Variants in SLC9A7 observed in about 807,000 individuals in gnomAD.
SLC9A7 encodes sodium/hydrogen exchanger 7.
SLC9A7 carries 19 observed loss-of-function variants against 52.6 expected under a neutral mutation model. The observed-to-expected ratio is 0.36, with a 90% confidence interval of 0.25 to 0.53. The LOEUF is 0.53. Ranked by LOEUF, SLC9A7 falls within the 20% of genes least tolerant of loss-of-function variation. The probability of loss-of-function intolerance (pLI) is 0.91; values close to 1 mark genes in which losing one functional copy is unlikely to be tolerated. For missense variants in SLC9A7, 455 were observed against 597.9 expected, an observed-to-expected ratio of 0.76 and a Z score of 2.49; for synonymous variants, 226 against 252.1, an observed-to-expected ratio of 0.90 and a Z score of 0.98.
chrX:46,627,807 A>G (rs1020372352), intron 14 of SLC9A7, among the ~76,000 whole-genome samples: 7 of 109,515 alleles, frequency 6.4e-5, no homozygotes, highest in Non-Finnish European at 1.3e-4. Context: ...ACAGAGTAGC[A>G]ACTGGAGGAA....
intron 11 of SLC9A7, among the ~76,000 whole-genome samples, chrX:46,644,205 C>G (rs1943452019): frequency 8.9e-6 from 1 of 112,050 alleles, no homozygotes; most frequent in African/African-American, 3.2e-5. Context: ...AGATTTGGCC[C>G]AGGGGTTGTA....
At chrX:46,740,801 C>T (rs1327798892) in intron 1 of SLC9A7, among the ~76,000 whole-genome samples, 1 of 106,440 alleles carries the variant, frequency 9.4e-6, no homozygotes, top group Non-Finnish European at 1.9e-5. Context: ...CTAACCAATG[C>T]AATTAGGCAA....
chrX:46,630,007 C>T (rs767163938), intron 14 of SLC9A7, among the ~76,000 whole-genome samples: 8 of 112,081 alleles, frequency 7.1e-5, no homozygotes, highest in African/African-American at 2.6e-4. Context: ...CAAAGGTCTT[C>T]TGGAGCTCAT....
intron 8 of SLC9A7, among the ~76,000 whole-genome samples, chrX:46,652,903 T>C (rs1943606588): frequency 8.9e-6 from 1 of 112,181 alleles, no homozygotes; most frequent in Non-Finnish European, 1.9e-5. Flanking sequence ...TTCACACTCA[T>C]CTGAGCAGAG....
chrX:46,739,744 A>G (rs942461333), intron 1 of SLC9A7, among the ~76,000 whole-genome samples: 1 of 110,969 alleles, frequency 9.0e-6, no homozygotes, highest in African/African-American at 3.3e-5. Context: ...TTTTTCCCCA[A>G]CTTTGCTGGG....
chrX:46,636,436 T>C (rs1435280992), intron 12 of SLC9A7, among the ~76,000 whole-genome samples: 1 of 110,524 alleles, frequency 9.0e-6, no homozygotes, highest in Admixed American at 9.6e-5. Flanking sequence ...CACAAGATAC[T>C]AGTAGCAACC....
intron 14 of SLC9A7, among the ~76,000 whole-genome samples, chrX:46,629,339 T>C (rs1943186343): frequency 9.0e-6 from 1 of 111,397 alleles, no homozygotes; most frequent in Non-Finnish European, 1.9e-5. Flanking sequence ...CACCTGGGGG[T>C]GGGGGCTATT....
At chrX:46,665,163 C>T (rs1943896279) in intron 5 of SLC9A7, among the ~76,000 whole-genome samples, 1 of 110,678 alleles carries the variant, frequency 9.0e-6, no homozygotes, top group African/African-American at 3.3e-5. Context: ...CTCCTCCCTA[C>T]AGCAGGACCC....
intron 1 of SLC9A7, among the ~76,000 whole-genome samples, chrX:46,757,508 G>A (rs782180510): frequency 2.8e-4 from 32 of 112,306 alleles, no homozygotes; most frequent in African/African-American, 1.0e-3. Context: ...CAGAACCAAG[G>A]GTAATTTTCA....
chrX:46,680,348 C>CAA (rs372898654), intron 2 of SLC9A7, among the ~76,000 whole-genome samples: 6 of 64,591 alleles, frequency 9.3e-5, no homozygotes, highest in Non-Finnish European at 1.2e-4. Flanking sequence ...GACTCCATCT[C>CAA]AAAAAAAAAA....
At chrX:46,675,061 A>ATGTGTGTGTGTGTGTGTGTG (rs397895552) in intron 3 of SLC9A7, among the ~76,000 whole-genome samples, 1 of 68,863 alleles carries the variant, frequency 1.5e-5, no homozygotes, top group Admixed American at 1.7e-4. Context: ...GAGAGAGTGA[A>ATGTGTGTGTGTGTGTGTGTG]TGTGTGTGTG....
At chrX:46,748,592 C>T (rs1922006663) in intron 1 of SLC9A7, among the ~76,000 whole-genome samples, 1 of 102,159 alleles carries the variant, frequency 9.8e-6, no homozygotes, top group African/African-American at 3.6e-5. Context: ...CACACACACA[C>T]ACTGCAGTAT....
At chrX:46,692,499 A>C (rs911003307) in intron 1 of SLC9A7, among the ~76,000 whole-genome samples, 1 of 111,193 alleles carries the variant, frequency 9.0e-6, no homozygotes, top group Non-Finnish European at 1.9e-5. Flanking sequence ...ATGCCACTAC[A>C]AAATGCCAAT....
In SLC9A7 at chrX:46,600,713, A is replaced by G. The variant is rs1942648771; in HGVS notation, c.*6239T>C. On this transcript the variant is annotated 3_prime_UTR_variant, in exon 17 of 17. Transcript: ENST00000616978. ...CTGTTTATCTCTAGGTCTTGTTTTG[A>G]AAGGATTGTTGATGAGTCTACTTGC... 1 of 112,385 alleles carries G rather than the reference A, an allele frequency of 8.9e-6. No individual in the cohort carries two copies. Among genetic ancestry groups the G allele is most frequent in the Non-Finnish European group, 1.9e-5 (1 of 53,287 alleles). The allele number at this position is 112,385 out of a possible 1,213,427, so 9.3% of individuals were successfully genotyped here.
intron 1 of SLC9A7, among the ~76,000 whole-genome samples, chrX:46,726,548 T>C (rs1458188804): frequency 9.0e-6 from 1 of 110,939 alleles, no homozygotes; most frequent in Non-Finnish European, 1.9e-5. Context: ...TCAGATCCCC[T>C]GCATCCCCAA....
At chrX:46,724,324 A>G (rs1293111735) in intron 1 of SLC9A7, among the ~76,000 whole-genome samples, 9 of 111,817 alleles carry the variant, frequency 8.0e-5, no homozygotes, top group Admixed American at 1.9e-4. Flanking sequence ...TAGACTACTC[A>G]GTAGTTAGTA....
intron 1 of SLC9A7, among the ~76,000 whole-genome samples, chrX:46,730,309 A>C (rs902385817): frequency 1.8e-5 from 2 of 110,814 alleles, no homozygotes; most frequent in African/African-American, 6.6e-5. Flanking sequence ...AGCTAAGCAA[A>C]ATCTTTTTAA....
chrX:46,704,809 C>T (rs1234420042), intron 1 of SLC9A7, among the ~76,000 whole-genome samples: 2 of 110,870 alleles, frequency 1.8e-5, no homozygotes, highest in East Asian at 2.8e-4. Flanking sequence ...CAGGCCTGGC[C>T]GGGACACAGT....
intron 1 of SLC9A7, among the ~76,000 whole-genome samples, chrX:46,727,159 A>G (rs1403056016): frequency 9.0e-6 from 1 of 111,708 alleles, no homozygotes. Flanking sequence ...GTCCCCCACA[A>G]TCTATTGCCT....
Sources: allele counts gnomAD v4.1 joint callset (sites outside exome capture counted in the v4.1 genomes callset), GRCh38; gene constraint gnomAD v4.1.1; transcripts MANE v1.5; gene names NCBI Gene and HGNC (gene_info 2026-07-23, HGNC 2026-07-21).